Variants in BRINP2 observed in about 807,000 individuals in gnomAD.
BRINP2 encodes the protein BMP/retinoic acid-inducible neural-specific protein 2.
A neutral mutation model predicts 69.2 loss-of-function variants in BRINP2; 21 were observed. That is an observed-to-expected ratio of 0.30 (90% confidence interval 0.22 to 0.44). BRINP2 has a LOEUF of 0.44. BRINP2 is among the 20% of genes least tolerant of loss of function. The pLI, the probability that BRINP2 is intolerant of heterozygous loss-of-function variation, is 1.00. For synonymous variants in BRINP2, 380 were observed against 394.1 expected (o/e 0.96, Z 0.42); for missense variants, 877 against 986.0 (o/e 0.89, Z 1.48).
At chr1:177,200,879 A>G (rs761928544) in intron 1 of BRINP2, among the ~76,000 whole-genome samples, 1 of 152,208 alleles carries the variant, frequency 6.6e-6, no homozygotes, top group Non-Finnish European at 1.5e-5. Flanking sequence ...TATGAGATAA[A>G]AATAATATTT....
At chr1:177,200,294 A>C (rs1252719726) in intron 1 of BRINP2, among the ~76,000 whole-genome samples, 1 of 60,170 alleles carries the variant, frequency 1.7e-5, no homozygotes, top group South Asian at 4.6e-4. Context: ...ACTCTGTCTC[A>C]AAAAAAAAAA....
intron 2 of BRINP2, among the ~76,000 whole-genome samples, chr1:177,254,263 T>C (rs1054391840): frequency 6.6e-6 from 1 of 152,032 alleles, no homozygotes; most frequent in African/African-American, 2.4e-5. Flanking sequence ...GCACTGAAGG[T>C]ACAAAATAAA....
At chr1:177,172,099 C>G (rs1413348371) in intron 1 of BRINP2, among the ~76,000 whole-genome samples, 1 of 152,224 alleles carries the variant, frequency 6.6e-6, no homozygotes, top group Non-Finnish European at 1.5e-5. Context: ...AGGACTTTTG[C>G]CTGCCCAGCT....
At chr1:177,240,229 A>G (rs1283482233) in intron 2 of BRINP2, among the ~76,000 whole-genome samples, 2 of 152,202 alleles carry the variant, frequency 1.3e-5, no homozygotes, top group African/African-American at 2.4e-5. Context: ...CTGGATCCAC[A>G]GAGGCATGTA....
At chr1:177,256,241 A>T in intron 3 of BRINP2, 132 bp downstream of exon 3, 1 of 1,421,000 alleles carries the variant, frequency 7.0e-7, no homozygotes. Context: ...TTTCTGGTGC[A>T]TTTGAAAACA....
At chr1:177,232,324 G>T (rs1358448862) in intron 2 of BRINP2, among the ~76,000 whole-genome samples, 1 of 152,134 alleles carries the variant, frequency 6.6e-6, no homozygotes, top group Non-Finnish European at 1.5e-5. Flanking sequence ...AATCATTTCT[G>T]CACCATCAAC....
intron 4 of BRINP2, among the ~76,000 whole-genome samples, chr1:177,261,336 C>T (rs1650941386): frequency 6.6e-6 from 1 of 152,074 alleles, no homozygotes; most frequent in Non-Finnish European, 1.5e-5. Flanking sequence ...GTGGCTTAGA[C>T]AAAGCTGGTG....
At chr1:177,224,271 G>C (rs1649629069) in intron 1 of BRINP2, among the ~76,000 whole-genome samples, 1 of 152,052 alleles carries the variant, frequency 6.6e-6, no homozygotes, top group South Asian at 2.1e-4. Flanking sequence ...CCACTTATAT[G>C]GCTTGAAAAC....
At chr1:177,230,282 C>A in intron 2 of BRINP2, 137 bp downstream of exon 2, 2 of 937,900 alleles carry the variant, frequency 2.1e-6, no homozygotes, top group Non-Finnish European at 1.5e-6. Flanking sequence ...TGGAGGAACA[C>A]CAGGCAGGGA....
chr1:177,196,242 T>G (rs1207593511), intron 1 of BRINP2, among the ~76,000 whole-genome samples: 2 of 152,206 alleles, frequency 1.3e-5, no homozygotes, highest in Non-Finnish European at 2.9e-5. Flanking sequence ...CTAATGAACC[T>G]TGGATGCTTA....
At chr1:177,279,928 A>G (rs549575478) in intron 7 of BRINP2, among the ~76,000 whole-genome samples, 1 of 152,308 alleles carries the variant, frequency 6.6e-6, no homozygotes, top group South Asian at 2.1e-4. Context: ...TAAGAGCTAA[A>G]ATCAAAATTT....
chr1:177,258,314 T>G (rs1650835967), intron 4 of BRINP2, among the ~76,000 whole-genome samples: 1 of 152,234 alleles, frequency 6.6e-6, no homozygotes, highest in African/African-American at 2.4e-5. Flanking sequence ...ATATCCTGCT[T>G]TTATCCCATG....
rs936313460 is a variant in BRINP2, at chr1:177,192,342, C to T, written c.-77+20610C>T. Among the ~76,000 whole-genome samples the T allele has an allele frequency of 2.0e-5, 3 of 152,150 alleles. No homozygotes were observed. The East Asian group carries it at 5.8e-4, about 29-fold the overall frequency. Reference sequence around the variant, plus strand: ...TGGCCCACTGCATATCTCATCATGTCTCTCAGTGTACCAGGTCATGCACAC... The same window carrying T: ...TGGCCCACTGCATATCTCATCATGTTTCTCAGTGTACCAGGTCATGCACAC... On this transcript the variant is annotated intron_variant, in intron 1 of 7. Coordinates refer to ENST00000361539, the MANE Select transcript of BRINP2 (RefSeq NM_021165.4).
At chr1:177,256,501 C>T in intron 3 of BRINP2, 4 of 985,392 alleles carry the variant, frequency 4.1e-6, no homozygotes, top group Non-Finnish European at 4.8e-6. Flanking sequence ...TCCCTGACCC[C>T]TCTTCCTCTC....
At chr1:177,228,024 T>TTTATCAAGGTCTGG (rs1299033450) in intron 1 of BRINP2, among the ~76,000 whole-genome samples, 1 of 152,216 alleles carries the variant, frequency 6.6e-6, no homozygotes, top group Non-Finnish European at 1.5e-5. Flanking sequence ...TACTACATTC[T>TTTATCAAGGTCTGG]TTATCAAGGT....
At chr1:177,183,168 T>C (rs527445343) in intron 1 of BRINP2, among the ~76,000 whole-genome samples, 2 of 146,028 alleles carry the variant, frequency 1.4e-5, no homozygotes, top group Admixed American at 1.4e-4. Context: ...TTTTTCTTTT[T>C]CTGCTTCGTT....
chr1:177,219,756 G>A (rs1649471966), intron 1 of BRINP2, among the ~76,000 whole-genome samples: 1 of 152,260 alleles, frequency 6.6e-6, no homozygotes, highest in Non-Finnish European at 1.5e-5. Context: ...GGTCATAATG[G>A]AGAGTTGCTT....
chr1:177,184,288 C>T (rs1413657937), intron 1 of BRINP2, among the ~76,000 whole-genome samples: 1 of 152,052 alleles, frequency 6.6e-6, no homozygotes, highest in Non-Finnish European at 1.5e-5. Context: ...ATAATTCATC[C>T]AGTTATTAGG....
chr1:177,202,284 T>C (rs559822815), intron 1 of BRINP2, among the ~76,000 whole-genome samples: 34 of 152,360 alleles, frequency 2.2e-4, no homozygotes, highest in Admixed American at 5.9e-4. Context: ...GTTCTTTTAA[T>C]TGTGATGTTA....
Sources: gnomAD v4.1 joint callset for allele counts (sites outside exome capture counted in the v4.1 genomes callset) on GRCh38, gnomAD v4.1.1 for gene constraint, MANE v1.5 for transcripts, NCBI Gene and HGNC (gene_info 2026-07-23, HGNC 2026-07-21) for gene names.